SGSM1: variants seen among roughly 807,000 people sequenced by gnomAD.
SGSM1 encodes small G protein signaling modulator 1.
A neutral mutation model predicts 133.8 loss-of-function variants in SGSM1; 73 were observed. The ratio of observed to expected loss-of-function variants is 0.55; its 90% confidence interval spans 0.45 to 0.66. The LOEUF (loss-of-function observed/expected upper bound fraction) is 0.66. SGSM1 is among the 30% of genes least tolerant of loss of function. SGSM1 has a pLI of 0.00. For synonymous variants in SGSM1, 563 were observed against 573.0 expected (o/e 0.98, Z 0.25); for missense variants, 1,213 against 1,448.1 (o/e 0.84, Z 2.64).
intron 12 of SGSM1, among the ~76,000 whole-genome samples, chr22:24,874,776 A>G (rs978696294): frequency 5.3e-5 from 8 of 152,232 alleles, no homozygotes; most frequent in African/African-American, 1.9e-4. Flanking sequence ...GAAGGGATCA[A>G]TTGGTGATGT....
chr22:24,882,746 T>C (rs1176016411), intron 14 of SGSM1, among the ~76,000 whole-genome samples: 1 of 152,154 alleles, frequency 6.6e-6, no homozygotes, highest in Non-Finnish European at 1.5e-5. Flanking sequence ...CCATTATAAG[T>C]AAGAACATGT....
chr22:24,806,246 C>G lies in SGSM1; in HGVS notation c.-80C>G, dbSNP rs547437074. On this transcript the variant is annotated 5_prime_UTR_variant, in exon 1 of 25. Coordinates refer to ENST00000400358, the MANE Select transcript of SGSM1 (RefSeq NM_001098497.3). Reference sequence around the variant, plus strand: ...CGGCCCCGCCCCGCCGCGGCTGCAGCAGCAGCGCCGCGGCCGGAGGAGCTA... The same window carrying G: ...CGGCCCCGCCCCGCCGCGGCTGCAGGAGCAGCGCCGCGGCCGGAGGAGCTA... The G allele has an allele frequency of 1.5e-6, 2 of 1,331,896 alleles. No homozygotes were observed. The highest frequency in any genetic ancestry group is 1.9e-6 in the Non-Finnish European group (2 of 1,047,958). 82.5% of individuals were successfully genotyped at this position (1,331,896 alleles called of 1,614,324 possible). A position where few individuals can be genotyped will look rare whatever the true frequency, so the allele number is the denominator to read the frequency against.
Position 24,868,509 on chromosome 22 carries a change from G to A in SGSM1, c.1128G>A (p.Leu376=). 1 of 1,613,264 alleles carries A rather than the reference G, an allele frequency of 6.2e-7. No individual in the cohort carries two copies. The highest frequency in any genetic ancestry group is 2.2e-5 in the East Asian group (1 of 44,874). ...ATGGGCTGCTCCCACATGGGCAGTT[G>A]GACCCGCCACTGTGGTCCCAGAGGG... The part of the protein sequence containing the change: ...LENGLLPHGQ[L]DPPLWSQRGK... The change falls in exon 11 of 25, where the codon TTG becomes TTA. Residue 376 remains leucine (L), a synonymous_variant. Coordinates refer to ENST00000400358, the MANE Select transcript of SGSM1 (RefSeq NM_001098497.3).
intron 5 of SGSM1, 77 bp downstream of exon 5, chr22:24,850,509 A>G (rs1930395309): frequency 2.6e-6 from 4 of 1,557,098 alleles, no homozygotes; most frequent in Non-Finnish European, 3.5e-6. Flanking sequence ...ACCCCCTGGC[A>G]CAAAGCTGCT....
intron 14 of SGSM1, among the ~76,000 whole-genome samples, chr22:24,883,196 G>T (rs751224686): frequency 6.6e-6 from 1 of 151,902 alleles, no homozygotes; most frequent in Non-Finnish European, 1.5e-5. Context: ...GAGCCACCGC[G>T]CACGGCCACC....
chr22:24,818,045 A>AACATGATGAAACACTGTCTC lies in SGSM1; in HGVS notation c.63+11573_63+11574insACTGTCTCACATGATGAAAC, dbSNP rs1555919423. Among the ~76,000 whole-genome samples the AACATGATGAAACACTGTCTC allele has an allele frequency of 4.0e-5, 6 of 150,676 alleles. No homozygotes were observed. The East Asian group carries it at 1.2e-3, about 31-fold the overall frequency. On this transcript the variant is annotated intron_variant, in intron 2 of 24. Coordinates refer to ENST00000400358, the MANE Select transcript of SGSM1 (RefSeq NM_001098497.3). ...TCAGGAGTTCGATACCAGCCTGGCC[A>AACATGATGAAACACTGTCTC]ACATGATGAAACCCTGTCTCTACTG...
Position 24,876,724 on chromosome 22 carries a change from G to A in SGSM1, c.1430+9G>A. 6.2e-7 allele frequency: 1 copy of A among 1,613,842 alleles called. No homozygotes were observed. The highest frequency in any genetic ancestry group is 1.3e-5 in the African/African-American group (1 of 75,016). On this transcript the variant is annotated intron_variant, in intron 13 of 24. Transcript: ENST00000400358. ...GGCTGCAACCATGAGAGGTATGAGG[G>A]GCTTGAGCTGCAGATGGAGAGAGCT...
At chr22:24,909,156 G>A (rs1933525465) in intron 21 of SGSM1, among the ~76,000 whole-genome samples, 1 of 152,118 alleles carries the variant, frequency 6.6e-6, no homozygotes, top group African/African-American at 2.4e-5. Context: ...GATGATCTGA[G>A]GTGGAACAGT....
Position 24,852,483 on chromosome 22 carries a change from G to A in SGSM1, c.455+2051G>A, listed in dbSNP as rs117539284. Among the ~76,000 whole-genome samples, 1,046 of 152,138 alleles carry A rather than the reference G, an allele frequency of 6.9e-3. 28 individuals are homozygous for A. In the East Asian group the frequency reaches 0.085, roughly 12 times the overall value. On this transcript the variant is annotated intron_variant, in intron 5 of 24. Transcript: ENST00000400358. Reference sequence around the variant, plus strand: ...TTTTGAGATGGAGTCTCACTCTGTTGCCCAGGTTGGAGTAGAATGGTGTAA... The same window carrying A: ...TTTTGAGATGGAGTCTCACTCTGTTACCCAGGTTGGAGTAGAATGGTGTAA...
In SGSM1 at chr22:24,833,388, G is replaced by A. The variant is rs747387387; in HGVS notation, c.64-11509G>A. Among the ~76,000 whole-genome samples the A allele has an allele frequency of 5.9e-4, 90 of 152,040 alleles. 1 individual carries two copies. The highest frequency in any genetic ancestry group is 2.0e-3 in the African/African-American group (84 of 41,508). On this transcript the variant is annotated intron_variant, in intron 2 of 24. Coordinates refer to ENST00000400358, the MANE Select transcript of SGSM1 (RefSeq NM_001098497.3). ...AGATTTCCACATGTGGGCCAGGCGC[G>A]GTGGCTCACACCTGTAATCCCAGCA...
Position 24,901,704 on chromosome 22 carries a change from G to A in SGSM1, c.2611-129G>A, listed in dbSNP as rs149067315. ...CAAAATCAAACACCTGGCTGGTCCA[G>A]GTGGGAGATGTATTTTCAGTGACAA... On this transcript the variant is annotated intron_variant, in intron 19 of 24. Transcript: ENST00000400358. The A allele has an allele frequency of 2.2e-3, 2,188 of 1,012,018 alleles. 42 individuals carry two copies. The East Asian group carries it at 0.031, about 14-fold the overall frequency. The allele number at this position is 1,012,018 out of a possible 1,614,324, so 62.7% of individuals were successfully genotyped here. A position where few individuals can be genotyped will look rare whatever the true frequency, so the allele number is the denominator to read the frequency against.
At chr22:24,915,395 C>T (rs111597460) in intron 22 of SGSM1, among the ~76,000 whole-genome samples, 4 of 152,322 alleles carry the variant, frequency 2.6e-5, no homozygotes, top group African/African-American at 9.6e-5. Flanking sequence ...AACCGAATCA[C>T]TCTTAAAGTG....
chr22:24,889,732 C>G (rs1932773699), intron 16 of SGSM1, among the ~76,000 whole-genome samples: 1 of 150,068 alleles, frequency 6.7e-6, no homozygotes, highest in Non-Finnish European at 1.5e-5. Flanking sequence ...TCACTGCAAG[C>G]TCTGCCTGCT....
chr22:24,914,959 T>C (rs1933769999), intron 22 of SGSM1, among the ~76,000 whole-genome samples: 1 of 152,174 alleles, frequency 6.6e-6, no homozygotes. Flanking sequence ...CCGGGCACGG[T>C]TTCTCACGCT....
Position 24,822,088 on chromosome 22 carries a change from C to CTCTTTTTTTTTTTTTTTTTT in SGSM1, c.63+15605_63+15606insCTTTTTTTTTTTTTTTTTTT, listed in dbSNP as rs1555920070. On this transcript the variant is annotated intron_variant, in intron 2 of 24. Coordinates refer to ENST00000400358, the MANE Select transcript of SGSM1 (RefSeq NM_001098497.3). ...CCATGCTCTACCTGTTCATCTCTCT[C>CTCTTTTTTTTTTTTTTTTTT]TTTTTTTTTTTTTTTTTTTTGAGAC... Among the ~76,000 whole-genome samples, 44 of 96,126 alleles carry CTCTTTTTTTTTTTTTTTTTT rather than the reference C, an allele frequency of 4.6e-4. 2 individuals carry two copies. Among genetic ancestry groups the CTCTTTTTTTTTTTTTTTTTT allele is most frequent in the East Asian group, 2.4e-3 (6 of 2,542 alleles). The allele number at this position is 96,126 out of a possible 152,430, so 63.1% of individuals were successfully genotyped here.
chr22:24,856,656 C>G (rs1021317970), intron 8 of SGSM1, among the ~76,000 whole-genome samples: 1 of 152,188 alleles, frequency 6.6e-6, no homozygotes, highest in Admixed American at 6.5e-5. Context: ...CACTGACTGA[C>G]TTTGAGCCAG....
intron 9 of SGSM1, among the ~76,000 whole-genome samples, chr22:24,860,386 G>A (rs1931053774): frequency 6.6e-6 from 1 of 152,186 alleles, no homozygotes; most frequent in Non-Finnish European, 1.5e-5. Flanking sequence ...TGGTGCAGAG[G>A]TGTGGCTGGT....
chr22:24,852,674 C>T (rs1454718817), intron 5 of SGSM1, among the ~76,000 whole-genome samples: 1 of 152,150 alleles, frequency 6.6e-6, no homozygotes, highest in East Asian at 1.9e-4. Flanking sequence ...AACTCCTGGC[C>T]TCAGGTGATG....
At position 24,894,878 on chromosome 22, in the gene SGSM1, GA is replaced by G. The variant is rs35536458; in HGVS notation, c.1954-335del. On this transcript the variant is annotated intron_variant, in intron 17 of 24. Transcript: ENST00000400358. Reference sequence around the variant, plus strand: ...AGAAGCATGTATACAGGGATCATGGGAAAAAAAAAAGTGGAGCCATTAATAG... The same window carrying G: ...AGAAGCATGTATACAGGGATCATGGGAAAAAAAAAGTGGAGCCATTAATAG... Among the ~76,000 whole-genome samples, 298 of 148,850 alleles carry G rather than the reference GA, an allele frequency of 2.0e-3. 3 individuals carry two copies. The highest frequency in any genetic ancestry group is 7.0e-3 in the African/African-American group (284 of 40,732).
Sources: gnomAD v4.1 joint callset for allele counts (sites outside exome capture counted in the v4.1 genomes callset) on GRCh38, gnomAD v4.1.1 for gene constraint, MANE v1.5 for transcripts, NCBI Gene and HGNC (gene_info 2026-07-23, HGNC 2026-07-21) for gene names.